Variants in PGS1 observed in about 807,000 individuals in gnomAD.
The protein encoded by PGS1 is phosphatidylglycerophosphate synthase 1.
A neutral mutation model predicts 58.3 loss-of-function variants in PGS1; 44 were observed. The observed-to-expected ratio is 0.75, with a 90% CI of 0.59 to 0.97. PGS1 has a LOEUF of 0.97. PGS1 is among the 50% of genes least tolerant of loss of function. The pLI is 0.00. For missense variants in PGS1, 684 were observed against 731.1 expected, an observed-to-expected ratio of 0.94 and a Z score of 0.74; for synonymous variants, 330 against 311.0, an observed-to-expected ratio of 1.06 and a Z score of -0.64.
At chr17:78,411,864 T>C (rs1395188032) in intron 7 of PGS1, among the ~76,000 whole-genome samples, 1 of 145,792 alleles carries the variant, frequency 6.9e-6, no homozygotes, top group African/African-American at 2.5e-5. Context: ...CGCTCAGGCC[T>C]AGAGCGAGGG....
intron 6 of PGS1, among the ~76,000 whole-genome samples, chr17:78,403,237 T>C (rs1285082136): frequency 1.3e-5 from 2 of 150,994 alleles, no homozygotes; most frequent in African/African-American, 4.9e-5. Context: ...CCCCAAGGAA[T>C]TATCCCAAAG....
At chr17:78,388,492 C>T (rs2082569092) in intron 1 of PGS1, among the ~76,000 whole-genome samples, 1 of 150,016 alleles carries the variant, frequency 6.7e-6, no homozygotes, top group Non-Finnish European at 1.5e-5. Context: ...TGCCTCCACG[C>T]CTGGCTAATT....
Position 78,396,318 on chromosome 17 carries a change from G to T in PGS1, c.344G>T (p.Arg115Ile). The T allele has an allele frequency of 6.2e-7, 1 of 1,613,278 alleles. No homozygotes were observed. Among genetic ancestry groups the T allele is most frequent in the Non-Finnish European group, 8.5e-7 (1 of 1,179,226 alleles). ...EFFELMKGQI[R>I]VAKRRVVMAS... ...TTTCTCCTCTCTCAGGGGCAGATAA[G>T]AGTAGCCAAGAGGCGGGTCGTGATG... The change falls in exon 3 of 10, where the codon AGA (arginine) becomes ATA (isoleucine). Residue 115 changes from arginine to isoleucine, a missense_variant. By Grantham distance (97) the Arg-to-Ile change is moderately conservative (BLOSUM62 -3). Transcript: ENST00000262764.
At chr17:78,399,186 A>G in intron 4 of PGS1, 162 bp from the exon 5 acceptor site, 1 of 615,168 alleles carries the variant, frequency 1.6e-6, no homozygotes, top group Non-Finnish European at 2.9e-6. Flanking sequence ...TGCAGGACAG[A>G]GGTTGGCCTG....
At chr17:78,405,393 G>GT (rs900463155) in intron 7 of PGS1, among the ~76,000 whole-genome samples, 2 of 152,096 alleles carry the variant, frequency 1.3e-5, no homozygotes, top group African/African-American at 2.4e-5. Context: ...TATTGCTATT[G>GT]TTTTTTTCCC....
chr17:78,393,353 C>T (rs2082977238), intron 2 of PGS1, among the ~76,000 whole-genome samples: 1 of 152,218 alleles, frequency 6.6e-6, no homozygotes, highest in Admixed American at 6.5e-5. Flanking sequence ...AGCCACCGCG[C>T]CCGGCCTAGA....
chr17:78,418,157 T>A (rs1159561894), intron 8 of PGS1, among the ~76,000 whole-genome samples: 5 of 152,070 alleles, frequency 3.3e-5, no homozygotes, highest in Admixed American at 2.0e-4. Flanking sequence ...CTCGAACTCC[T>A]GACCTCAAGT....
chr17:78,419,597 G>A lies in PGS1; in HGVS notation c.1603G>A (p.Glu535Lys), dbSNP rs779345585. 16 of 1,614,076 alleles carry A rather than the reference G, an allele frequency of 9.9e-6. No homozygotes were observed. Among genetic ancestry groups the A allele is most frequent in the Middle Eastern group, 1.7e-4 (1 of 6,060 alleles). ...AGGTGTGGTGTCCTCTGCCACCTTC[G>A]AGCAGCCGAGTCGCCAGGTGAAGCT... ...RSGVVSSATF[E>K]QPSRQVKLWV... The change falls in exon 9 of 10, where the codon GAG becomes AAG. Residue 535 changes from glutamate to lysine, a missense_variant. Glu to Lys is a moderately conservative substitution (Grantham distance 56). Transcript: ENST00000262764.
At chr17:78,411,762 C>T (rs1006061708) in intron 7 of PGS1, among the ~76,000 whole-genome samples, 6 of 152,130 alleles carry the variant, frequency 3.9e-5, no homozygotes, top group African/African-American at 9.7e-5. Flanking sequence ...ACAGATTTCC[C>T]GACAGCGAGT....
At chr17:78,414,557 C>T (rs2085007368) in intron 7 of PGS1, among the ~76,000 whole-genome samples, 1 of 152,162 alleles carries the variant, frequency 6.6e-6, no homozygotes, top group Admixed American at 6.5e-5. Flanking sequence ...GAGAGCAGGT[C>T]GGCAGGTGGC....
rs112124430 is a variant in PGS1 at position 78,404,301 on chromosome 17, T to G, written c.1402+212T>G. 3.5e-4 allele frequency among the ~76,000 whole-genome samples: 35 copies of G among 99,156 alleles called. No homozygotes were observed. Among genetic ancestry groups the G allele is most frequent in the African/African-American group, 8.3e-4 (22 of 26,364 alleles). 65.1% of individuals were successfully genotyped at this position (99,156 alleles called of 152,430 possible). A position where few individuals can be genotyped will look rare whatever the true frequency, so the allele number is the denominator to read the frequency against. ...GGAATTTTTTTTTTTTTTTTTTTTTTGTGACAGTCTTGCTCTGTTTCCCAG... is the reference window on the plus strand; with the variant it reads ...GGAATTTTTTTTTTTTTTTTTTTTTGGTGACAGTCTTGCTCTGTTTCCCAG... On this transcript the variant is annotated intron_variant, in intron 7 of 9. Transcript: ENST00000262764.
chr17:78,385,525 G>A (rs1178019216), intron 1 of PGS1, among the ~76,000 whole-genome samples: 3 of 152,156 alleles, frequency 2.0e-5, no homozygotes, highest in Non-Finnish European at 4.4e-5. Flanking sequence ...TCCTGACGTC[G>A]TGATCCGCCT....
intron 7 of PGS1, among the ~76,000 whole-genome samples, chr17:78,408,441 A>G (rs2084343211): frequency 6.6e-6 from 1 of 152,170 alleles, no homozygotes; most frequent in African/African-American, 2.4e-5. Context: ...TGTCAGGAGG[A>G]CACGGGGAAC....
chr17:78,406,048 G>C (rs529713249), intron 7 of PGS1, among the ~76,000 whole-genome samples: 1 of 112,750 alleles, frequency 8.9e-6, no homozygotes, highest in Non-Finnish European at 2.4e-5. Context: ...CAGGCGCGGT[G>C]GCTCACGCCT....
intron 1 of PGS1, among the ~76,000 whole-genome samples, chr17:78,379,345 C>T (rs1461815166): frequency 6.6e-6 from 1 of 152,076 alleles, no homozygotes. Flanking sequence ...AACACTCAGG[C>T]ATGGGAAGAG....
chr17:78,383,242 T>C (rs1286237171), intron 1 of PGS1, among the ~76,000 whole-genome samples: 1 of 132,670 alleles, frequency 7.5e-6, no homozygotes, highest in Admixed American at 8.3e-5. Flanking sequence ...TTCAATTAGA[T>C]TTTCTTTCCT....
chr17:78,397,435 C>T (rs959001295), intron 3 of PGS1, among the ~76,000 whole-genome samples: 1 of 101,974 alleles, frequency 9.8e-6, no homozygotes, highest in Non-Finnish European at 2.3e-5. Flanking sequence ...GGAAGGAGGC[C>T]TCCCTCTTTT....
intron 7 of PGS1, among the ~76,000 whole-genome samples, chr17:78,409,101 TC>T (rs1468444143): frequency 6.6e-6 from 1 of 152,242 alleles, no homozygotes; most frequent in Non-Finnish European, 1.5e-5. Flanking sequence ...CTTATGTCTC[TC>T]TTCATCTTTC....
At chr17:78,408,098 TTATC>T (rs1418072034) in intron 7 of PGS1, among the ~76,000 whole-genome samples, 3 of 118,454 alleles carry the variant, frequency 2.5e-5, no homozygotes, top group South Asian at 5.3e-4. Flanking sequence ...TTAACATATT[TTATC>T]TATCAATCAG....
Sources: gnomAD v4.1 joint callset for allele counts (sites outside exome capture counted in the v4.1 genomes callset) on GRCh38, gnomAD v4.1.1 for gene constraint, MANE v1.5 for transcripts, NCBI Gene and HGNC (gene_info 2026-07-23, HGNC 2026-07-21) for gene names.